The following SKAP1 variants were observed in gnomAD, a reference collection of about 807,000 sequenced individuals.
The protein encoded by SKAP1 is src kinase associated phosphoprotein 1.
Under a neutral mutation model 58.5 loss-of-function variants are expected in SKAP1, and 44 were observed. That is an observed-to-expected ratio of 0.75 (90% CI 0.59 to 0.97). The LOEUF is 0.97. Among genes scored for constraint, SKAP1 ranks in the 50% least tolerant of loss-of-function variants. SKAP1 has a pLI of 0.00. For missense variants in SKAP1, 390 were observed against 435.2 expected (o/e 0.90, Z 0.92); for synonymous variants, 127 against 149.7 (o/e 0.85, Z 1.11).
At chr17:48,139,131 G>C (rs142650883) in intron 11 of SKAP1, among the ~76,000 whole-genome samples, 1 of 151,060 alleles carries the variant, frequency 6.6e-6, no homozygotes, top group African/African-American at 2.4e-5. Context: ...TGCTCACCTC[G>C]GCCTCTCAGA....
At chr17:48,152,278 A>C (rs1045029171) in intron 11 of SKAP1, among the ~76,000 whole-genome samples, 4 of 152,166 alleles carry the variant, frequency 2.6e-5, no homozygotes, top group African/African-American at 9.7e-5. Context: ...GTTAGCAATG[A>C]GGTTATACTT....
chr17:48,361,939 A>C (rs958332246), intron 3 of SKAP1, among the ~76,000 whole-genome samples: 1 of 152,148 alleles, frequency 6.6e-6, no homozygotes, highest in Non-Finnish European at 1.5e-5. Flanking sequence ...GTCTGATCAA[A>C]AGGGCAAGGT....
At chr17:48,300,274 C>G (rs1034661189) in intron 4 of SKAP1, among the ~76,000 whole-genome samples, 3 of 152,092 alleles carry the variant, frequency 2.0e-5, no homozygotes, top group African/African-American at 7.2e-5. Context: ...GAAGCAGTCT[C>G]CACCCCATAT....
chr17:48,340,925 T>C (rs999052217), intron 4 of SKAP1, among the ~76,000 whole-genome samples: 19 of 152,030 alleles, frequency 1.2e-4, no homozygotes, highest in African/African-American at 4.3e-4. Flanking sequence ...CCCGTAAGAG[T>C]AGATGTCTAC....
chr17:48,298,959 G>C (rs1228041998), intron 4 of SKAP1, among the ~76,000 whole-genome samples: 2 of 152,098 alleles, frequency 1.3e-5, no homozygotes, highest in East Asian at 3.8e-4. Flanking sequence ...GGCAGGCGTG[G>C]GGGAAATTTT....
Position 48,430,104 on chromosome 17 carries a change from AG to A in SKAP1, c.16del (p.Leu6SerfsTer94). On this transcript the variant is annotated frameshift_variant, in exon 1 of 13. Coordinates refer to ENST00000336915, the MANE Select transcript of SKAP1 (RefSeq NM_003726.4). LOFTEE classifies it high-confidence loss of function. ...CAGGAGCCAACGGATCTCCTCAGGG[AG>A]GGCGGCGGCCTGCATTTGGCTGGGC... MQAAA[L>X]PEEIRWLLED... is the part of the protein sequence containing the mutation. 1 of 1,263,484 alleles carries A rather than the reference AG, an allele frequency of 7.9e-7. No homozygotes were observed. Among genetic ancestry groups the A allele is most frequent in the Non-Finnish European group, 1.0e-6 (1 of 996,586 alleles). The allele number at this position is 1,263,484 out of a possible 1,614,324, so 78.3% of individuals were successfully genotyped here.
intron 4 of SKAP1, among the ~76,000 whole-genome samples, chr17:48,250,421 T>G (rs1377927230): frequency 6.6e-6 from 1 of 151,428 alleles, no homozygotes; most frequent in Middle Eastern, 3.4e-3. Context: ...TAGCTGGGAT[T>G]ACAGGCGTGC....
intron 4 of SKAP1, among the ~76,000 whole-genome samples, chr17:48,247,977 T>C (rs1400055437): frequency 6.6e-6 from 1 of 152,210 alleles, no homozygotes; most frequent in East Asian, 1.9e-4. Context: ...CTCCTCAAGT[T>C]TACTCTCCTT....
intron 4 of SKAP1, among the ~76,000 whole-genome samples, chr17:48,203,323 G>A (rs946188527): frequency 6.6e-5 from 10 of 152,298 alleles, no homozygotes; most frequent in African/African-American, 2.4e-4. Context: ...CATTTTCCAG[G>A]ACTGTAGAAA....
chr17:48,409,149 G>T (rs541612458), intron 1 of SKAP1, among the ~76,000 whole-genome samples: 2 of 152,264 alleles, frequency 1.3e-5, no homozygotes, highest in East Asian at 3.9e-4. Context: ...CCTAGCAAGT[G>T]GTGCAACCAA....
intron 3 of SKAP1, among the ~76,000 whole-genome samples, chr17:48,357,447 G>A (rs947835375): frequency 2.0e-5 from 3 of 152,004 alleles, no homozygotes; most frequent in Admixed American, 1.3e-4. Flanking sequence ...TGGCTAATAC[G>A]GTGAAACCCT....
chr17:48,391,271 TGAAAG>T (rs2067342079), intron 2 of SKAP1, among the ~76,000 whole-genome samples: 1 of 152,070 alleles, frequency 6.6e-6, no homozygotes, highest in Admixed American at 6.6e-5. Flanking sequence ...GCCTCACATA[TGAAAG>T]AATAAACAAA....
intron 12 of SKAP1, chr17:48,136,503 G>T (rs1295453076): frequency 6.6e-6 from 1 of 152,258 alleles, no homozygotes; most frequent in Non-Finnish European, 1.5e-5. Context: ...CTGCTGTGCT[G>T]TGTAGGTTGC....
At chr17:48,417,726 C>G (rs761222991) in intron 1 of SKAP1, among the ~76,000 whole-genome samples, 9 of 138,568 alleles carry the variant, frequency 6.5e-5, no homozygotes, top group Non-Finnish European at 1.1e-4. Flanking sequence ...GCCTGAGTGA[C>G]AGAGCGAGAC....
At chr17:48,167,443 G>C (rs1280540971) in intron 10 of SKAP1, among the ~76,000 whole-genome samples, 3 of 152,166 alleles carry the variant, frequency 2.0e-5, no homozygotes, top group African/African-American at 7.2e-5. Context: ...TGGAAAACAG[G>C]CTTCAAAAGG....
chr17:48,279,542 T>C (rs761434623), intron 4 of SKAP1, among the ~76,000 whole-genome samples: 1 of 152,204 alleles, frequency 6.6e-6, no homozygotes, highest in Non-Finnish European at 1.5e-5. Flanking sequence ...ATCTGGGTAA[T>C]GTGACCTGTG....
chr17:48,239,852 G>C (rs113775115), intron 4 of SKAP1, among the ~76,000 whole-genome samples: 182 of 85,426 alleles, frequency 2.1e-3, no homozygotes, highest in South Asian at 6.1e-3. Flanking sequence ...GAGAGAGACA[G>C]AGAGAGAGAG....
chr17:48,274,084 T>G (rs1468145356), intron 4 of SKAP1, among the ~76,000 whole-genome samples: 1 of 152,150 alleles, frequency 6.6e-6, no homozygotes, highest in Admixed American at 6.5e-5. Flanking sequence ...CCACCATGCC[T>G]GGCTAATTAA....
rs567775217 is a variant in SKAP1 at position 48,301,695 on chromosome 17, T to C, written c.280+44210A>G. ...TTTCACCACATTGGCCAGGGTGGTC[T>C]TGAACTCCTGACCTCAGCTGATCCG... On this transcript the variant is annotated intron_variant, in intron 4 of 12. Coordinates refer to ENST00000336915, the MANE Select transcript of SKAP1 (RefSeq NM_003726.4). 7.2e-4 allele frequency among the ~76,000 whole-genome samples: 110 copies of C among 152,308 alleles called. 1 individual carries two copies. The highest frequency in any genetic ancestry group is 6.8e-3 in the Middle Eastern group (2 of 292).
Sources: gnomAD v4.1 joint callset for allele counts (sites outside exome capture counted in the v4.1 genomes callset) on GRCh38, gnomAD v4.1.1 for gene constraint, MANE v1.5 for transcripts, NCBI Gene and HGNC (gene_info 2026-07-23, HGNC 2026-07-21) for gene names.